Variants in FSTL4 observed in about 807,000 individuals in gnomAD.
FSTL4 encodes follistatin like 4.
In FSTL4, 28 loss-of-function variants were observed where a neutral mutation model predicts 78.2. The observed-to-expected ratio is 0.36, with a 90% CI of 0.27 to 0.49. The LOEUF is 0.49. Ranked by LOEUF, FSTL4 falls within the 20% of genes least tolerant of loss-of-function variation. The pLI is 0.98. For synonymous variants in FSTL4, 422 were observed against 440.5 expected, an observed-to-expected ratio of 0.96 and a Z score of 0.53; for missense variants, 922 against 1,084.9, an observed-to-expected ratio of 0.85 and a Z score of 2.11.
At chr5:133,343,629 G>A (rs1170010304) in intron 4 of FSTL4, among the ~76,000 whole-genome samples, 3 of 152,188 alleles carry the variant, frequency 2.0e-5, no homozygotes, top group Non-Finnish European at 2.9e-5. Context: ...TTTTATAGCC[G>A]GGGGCTGTGG....
chr5:133,363,433 C>T (rs1364690662), intron 4 of FSTL4, among the ~76,000 whole-genome samples: 1 of 152,056 alleles, frequency 6.6e-6, no homozygotes, highest in East Asian at 1.9e-4. Flanking sequence ...AATGACTTTT[C>T]TTCTTCTACT....
At chr5:133,534,970 G>A (rs1055823819) in intron 3 of FSTL4, among the ~76,000 whole-genome samples, 2 of 152,226 alleles carry the variant, frequency 1.3e-5, no homozygotes, top group South Asian at 2.1e-4. Context: ...AAATTCGTAT[G>A]TTGAAATTCT....
chr5:133,669,540 C>T, the FSTL4 span, among the ~76,000 whole-genome samples: 1 of 152,334 alleles, frequency 6.6e-6, no homozygotes, highest in East Asian at 1.9e-4. Flanking sequence ...TGCCCTGCCC[C>T]CAGCAGCTCG....
chr5:133,308,953 G>GGATCAA (rs1561665740), intron 6 of FSTL4, among the ~76,000 whole-genome samples: 4 of 152,256 alleles, frequency 2.6e-5, no homozygotes, highest in Admixed American at 2.0e-4. Flanking sequence ...TCTCATAGGA[G>GGATCAA]TAATTAAAAG....
chr5:133,552,555 T>C lies in FSTL4; in HGVS notation c.160+14631A>G, dbSNP rs1028549126. On this transcript the variant is annotated intron_variant, in intron 3 of 15. Coordinates refer to ENST00000265342, the MANE Select transcript of FSTL4 (RefSeq NM_015082.2). The stretch of plus-strand genomic sequence containing the variant: ...GTAAAATGCCCTTATTTTCAAACGA[T>C]GGCAACTCATTCATATTGAAATATT... Among the ~76,000 whole-genome samples the C allele has an allele frequency of 3.9e-5, 6 of 152,342 alleles. No homozygotes were observed. In the East Asian group the frequency reaches 1.2e-3, roughly 29 times the overall value.
At chr5:133,809,687 A>AG in the FSTL4 span, among the ~76,000 whole-genome samples, 1 of 152,216 alleles carries the variant, frequency 6.6e-6, no homozygotes. Context: ...ACTAGTTCAC[A>AG]GAGACAGAAG....
intron 8 of FSTL4, among the ~76,000 whole-genome samples, chr5:133,232,304 G>A (rs1241692571): frequency 1.3e-5 from 2 of 152,198 alleles, no homozygotes; most frequent in Non-Finnish European, 2.9e-5. Flanking sequence ...AGTCCCAGAA[G>A]GTGGTGGCCC....
At chr5:133,300,738 G>A (rs915401921) in intron 6 of FSTL4, among the ~76,000 whole-genome samples, 5 of 152,178 alleles carry the variant, frequency 3.3e-5, no homozygotes, top group Non-Finnish European at 7.3e-5. Flanking sequence ...TTGAGGGTCA[G>A]GACCAACACC....
intron 3 of FSTL4, among the ~76,000 whole-genome samples, chr5:133,502,755 T>C (rs1758526019): frequency 9.1e-6 from 1 of 109,714 alleles, no homozygotes; most frequent in Non-Finnish European, 2.0e-5. Context: ...GAAGCCACTA[T>C]GCTTCCTGTA....
At chr5:133,739,287 CTTT>C in the FSTL4 span, among the ~76,000 whole-genome samples, 7 of 143,890 alleles carry the variant, frequency 4.9e-5, no homozygotes, top group East Asian at 2.0e-4. Flanking sequence ...TTTTCTTTTT[CTTT>C]TTTTTTTTTT....
chr5:133,674,639 A>T, the FSTL4 span, among the ~76,000 whole-genome samples: 1 of 151,812 alleles, frequency 6.6e-6, no homozygotes, highest in Non-Finnish European at 1.5e-5. Flanking sequence ...GTTAATAAAA[A>T]CCGAACCGAT....
chr5:133,718,792 A>C, the FSTL4 span, among the ~76,000 whole-genome samples: 13 of 152,266 alleles, frequency 8.5e-5, no homozygotes, highest in African/African-American at 2.6e-4. Flanking sequence ...GCAAGCATTT[A>C]CTCTTGTGAC....
At chr5:133,781,365 TTGTGTGTGTGTGTGTGTGTG>T in the FSTL4 span, among the ~76,000 whole-genome samples, 472 of 143,406 alleles carry the variant, frequency 3.3e-3, 3 homozygotes, top group African/African-American at 0.012. Context: ...TGTTAAGCGG[TTGTGTGTGTGTGTGTGTGTG>T]TGTGTGTGTG....
chr5:133,712,871 G>T, the FSTL4 span, among the ~76,000 whole-genome samples: 1 of 152,192 alleles, frequency 6.6e-6, no homozygotes, highest in Admixed American at 6.5e-5. Flanking sequence ...CTCAGCCCCT[G>T]CAGGAGGTCC....
At chr5:133,839,984 C>T in the FSTL4 span, among the ~76,000 whole-genome samples, 7 of 152,200 alleles carry the variant, frequency 4.6e-5, no homozygotes, top group Non-Finnish European at 7.3e-5. Flanking sequence ...AATGCCCCTT[C>T]AATGCTAAAG....
intron 4 of FSTL4, chr5:133,387,683 T>C (rs1200085403): frequency 6.6e-6 from 1 of 152,188 alleles, no homozygotes; most frequent in Non-Finnish European, 1.5e-5. Context: ...GTCCTGACCA[T>C]GTCACTGGCA....
At chr5:133,722,464 T>C in the FSTL4 span, among the ~76,000 whole-genome samples, 1 of 152,242 alleles carries the variant, frequency 6.6e-6, no homozygotes, top group Non-Finnish European at 1.5e-5. Context: ...ATGATATCTC[T>C]TTGTTGAATT....
At chr5:133,635,431 G>A in the FSTL4 span, among the ~76,000 whole-genome samples, 16 of 152,226 alleles carry the variant, frequency 1.1e-4, no homozygotes, top group Non-Finnish European at 2.2e-4. Flanking sequence ...ATATGTATAT[G>A]GGAAAGTACG....
chr5:133,621,760 T>TAATAAA, the FSTL4 span, among the ~76,000 whole-genome samples: 1 of 152,000 alleles, frequency 6.6e-6, no homozygotes, highest in Non-Finnish European at 1.5e-5. Flanking sequence ...AAAAATAAAA[T>TAATAAA]AATAAAAATA....
Sources: allele counts gnomAD v4.1 joint callset (sites outside exome capture counted in the v4.1 genomes callset), GRCh38; gene constraint gnomAD v4.1.1; transcripts MANE v1.5; gene names NCBI Gene and HGNC (gene_info 2026-07-23, HGNC 2026-07-21).